KDM4C: variants seen among roughly 807,000 people sequenced by gnomAD.
KDM4C encodes lysine-specific demethylase 4C.
Under a neutral mutation model 129.3 loss-of-function variants are expected in KDM4C, and 81 were observed. The ratio of observed to expected loss-of-function variants is 0.63; its 90% CI spans 0.52 to 0.75. The LOEUF is 0.75. Ranked by LOEUF, KDM4C falls within the 30% of genes least tolerant of loss-of-function variation. The probability of loss-of-function intolerance (pLI) is 0.00; values close to 1 mark genes in which losing one functional copy is unlikely to be tolerated. For missense variants in KDM4C, 1,457 were observed against 1,304.0 expected, an observed-to-expected ratio of 1.12 and a Z score of -1.81; for synonymous variants, 573 against 456.1, an observed-to-expected ratio of 1.26 and a Z score of -3.26.
In KDM4C at chr9:6,980,905, C is replaced by G. The variant is rs1816658520; in HGVS notation, c.922-20C>G. 2 of 1,612,234 alleles carry G rather than the reference C, an allele frequency of 1.2e-6. No individual in the cohort carries two copies. Among genetic ancestry groups the G allele is most frequent in the East Asian group, 2.2e-5 (1 of 44,860 alleles). On this transcript the variant is annotated intron_variant, in intron 8 of 21. Coordinates refer to ENST00000381309, the MANE Select transcript of KDM4C (RefSeq NM_015061.6). ...TAGTTAGCGAAACGTTTAACACTCT[C>G]CAACCCGGTTGTGTTTCAGTGCACT... is the stretch of plus-strand genomic sequence containing the variant.
At chr9:6,878,540 G>A (rs1843930618) in intron 5 of KDM4C, among the ~76,000 whole-genome samples, 1 of 152,190 alleles carries the variant, frequency 6.6e-6, no homozygotes, top group African/African-American at 2.4e-5. Flanking sequence ...GATCAGAGTA[G>A]GAGTAGAGCC....
In KDM4C at chr9:6,906,068, C is replaced by T. The variant is rs1013338261; in HGVS notation, c.921+12836C>T. On this transcript the variant is annotated intron_variant, in intron 8 of 21. Transcript: ENST00000381309. ...GAAAATTGGGAAGATGCAACACACTCTGTTTTCAAAGAAACATTTTGAGGT... is the reference window on the plus strand; with the variant it reads ...GAAAATTGGGAAGATGCAACACACTTTGTTTTCAAAGAAACATTTTGAGGT... 1.4e-4 allele frequency among the ~76,000 whole-genome samples: 22 copies of T among 152,090 alleles called. 1 individual carries two copies. Among genetic ancestry groups the T allele is most frequent in the Non-Finnish European group, 2.5e-4 (17 of 68,026 alleles).
At chr9:7,082,229 G>A (rs1354616194) in intron 17 of KDM4C, among the ~76,000 whole-genome samples, 1 of 152,150 alleles carries the variant, frequency 6.6e-6, no homozygotes, top group African/African-American at 2.4e-5. Context: ...GGCATTAGAA[G>A]GTTTCTTTCC....
At chr9:6,912,259 A>G (rs1819462073) in intron 8 of KDM4C, among the ~76,000 whole-genome samples, 1 of 152,110 alleles carries the variant, frequency 6.6e-6, no homozygotes, top group Non-Finnish European at 1.5e-5. Context: ...TCCCCAGACT[A>G]ACGAATACTT....
At chr9:7,173,045 A>G (rs1351498335) in intron 21 of KDM4C, among the ~76,000 whole-genome samples, 1 of 152,272 alleles carries the variant, frequency 6.6e-6, no homozygotes, top group African/African-American at 2.4e-5. Context: ...AACAGCAGCC[A>G]AATACTAGCC....
intron 4 of KDM4C, among the ~76,000 whole-genome samples, chr9:6,836,944 A>T (rs1285857183): frequency 6.6e-6 from 1 of 152,198 alleles, no homozygotes; most frequent in Non-Finnish European, 1.5e-5. Context: ...AAAGTTTCTC[A>T]AAGGTATTTA....
intron 15 of KDM4C, among the ~76,000 whole-genome samples, chr9:7,033,079 AT>A (rs2132384905): frequency 6.6e-6 from 1 of 150,888 alleles, no homozygotes; most frequent in East Asian, 1.9e-4. Flanking sequence ...TTGAGATCAG[AT>A]TGGCTTATGG....
At chr9:6,964,820 A>G (rs10758813) in intron 8 of KDM4C, among the ~76,000 whole-genome samples, 57,996 of 143,944 alleles carry the variant, frequency 0.4, 12,680 homozygotes, top group East Asian at 0.86. Context: ...TGGGCGCAGT[A>G]GCACATGCCT....
intron 18 of KDM4C, among the ~76,000 whole-genome samples, chr9:7,111,969 G>A (rs566522650): frequency 6.6e-6 from 1 of 152,136 alleles, no homozygotes; most frequent in East Asian, 1.9e-4. Flanking sequence ...GTTTTGGGGA[G>A]GCTTCCTGGG....
At chr9:7,070,580 A>G (rs1036743600) in intron 17 of KDM4C, among the ~76,000 whole-genome samples, 1 of 152,184 alleles carries the variant, frequency 6.6e-6, no homozygotes, top group African/African-American at 2.4e-5. Context: ...AATCAATGTA[A>G]TTAGCTATAG....
intron 15 of KDM4C, among the ~76,000 whole-genome samples, chr9:7,022,020 GTTT>G (rs993753838): frequency 3.3e-5 from 5 of 152,050 alleles, no homozygotes; most frequent in African/African-American, 1.2e-4. Flanking sequence ...CTAAGTGTCT[GTTT>G]TTATGCCATT....
intron 1 of KDM4C, among the ~76,000 whole-genome samples, chr9:6,767,538 G>A (rs1198084766): frequency 6.7e-6 from 1 of 149,128 alleles, no homozygotes; most frequent in African/African-American, 2.5e-5. Context: ...AGGTTCAAGC[G>A]ATTCTTCTGC....
intron 19 of KDM4C, among the ~76,000 whole-genome samples, chr9:7,153,122 G>A (rs953686245): frequency 6.6e-6 from 1 of 151,990 alleles, no homozygotes; most frequent in Non-Finnish European, 1.5e-5. Context: ...TTGTTTTATA[G>A]AGATGGGGTC....
chr9:6,763,333 C>G (rs1819955316), intron 1 of KDM4C, among the ~76,000 whole-genome samples: 1 of 152,148 alleles, frequency 6.6e-6, no homozygotes, highest in Admixed American at 6.6e-5. Flanking sequence ...CCCAGTTGCA[C>G]TTCTTTGATT....
chr9:6,771,485 G>A (rs4008324), intron 1 of KDM4C, among the ~76,000 whole-genome samples: 60,131 of 150,742 alleles, frequency 0.4, 12,972 homozygotes, highest in African/African-American at 0.57. Context: ...CTAATTTTGT[G>A]TTTTTAGTAG....
intron 10 of KDM4C, among the ~76,000 whole-genome samples, chr9:6,985,696 T>C (rs1171199042): frequency 1.3e-5 from 2 of 152,148 alleles, no homozygotes; most frequent in African/African-American, 4.8e-5. Flanking sequence ...TTTAAAATTT[T>C]TAAATTTTTT....
In KDM4C at chr9:6,954,973, A is replaced by G. The variant is rs559540644; in HGVS notation, c.922-25952A>G. Among the ~76,000 whole-genome samples the G allele has an allele frequency of 3.4e-4, 52 of 152,290 alleles. 1 individual carries two copies. The highest frequency in any genetic ancestry group is 1.2e-3 in the African/African-American group (51 of 41,556). ...TCTAGTACTGCAGGAGGCATCAGGG[A>G]CTTTCTGTTGGAAGAGTGGGAACTC... On this transcript the variant is annotated intron_variant, in intron 8 of 21. Coordinates refer to ENST00000381309, the MANE Select transcript of KDM4C (RefSeq NM_015061.6).
intron 1 of KDM4C, among the ~76,000 whole-genome samples, chr9:6,777,025 A>T (rs1277742794): frequency 6.6e-6 from 1 of 152,034 alleles, no homozygotes; most frequent in East Asian, 1.9e-4. Context: ...ATTGTCTTGT[A>T]TTGTCAACTT....
chr9:7,013,899 A>G lies in KDM4C; in HGVS notation c.2080A>G (p.Ser694Gly). 1 of 1,613,998 alleles carries G rather than the reference A, an allele frequency of 6.2e-7. No homozygotes were observed. Among genetic ancestry groups the G allele is most frequent in the South Asian group, 1.1e-5 (1 of 91,076 alleles). The change falls in exon 14 of 22, where the codon AGT becomes GGT. Residue 694 changes from serine to glycine, a missense_variant. Transcript: ENST00000381309. ...CATACCAGAGATGTGTTTTATTTAT[A>G]GTGAAGAAAATATAGAATATTCTCC... ...PLIPEMCFIYSEENIEYSPPN... is the reference protein window; with the variant it reads ...PLIPEMCFIYGEENIEYSPPN...
Sources: gnomAD v4.1 joint callset for allele counts (sites outside exome capture counted in the v4.1 genomes callset) on GRCh38, gnomAD v4.1.1 for gene constraint, MANE v1.5 for transcripts, NCBI Gene and HGNC (gene_info 2026-07-23, HGNC 2026-07-21) for gene names.